POFUT1: variants seen among roughly 807,000 people sequenced by gnomAD.
POFUT1 encodes the protein GDP-fucose protein O-fucosyltransferase 1.
Under a neutral mutation model 42.4 loss-of-function variants are expected in POFUT1, and 16 were observed. That is an observed-to-expected ratio of 0.38 (90% CI 0.26 to 0.57). The LOEUF (loss-of-function observed/expected upper bound fraction) is 0.57, where lower values mean the gene tolerates loss of function less well. POFUT1 is among the 20% of genes least tolerant of loss of function. The pLI is 0.71. For synonymous variants in POFUT1, 206 were observed against 205.4 expected (o/e 1.00, Z -0.03); for missense variants, 470 against 504.6 (o/e 0.93, Z 0.66).
intron 1 of POFUT1, among the ~76,000 whole-genome samples, chr20:32,209,723 G>A (rs761024051): frequency 6.6e-6 from 1 of 152,202 alleles, no homozygotes. Context: ...GGAGCCCAGT[G>A]AATGAGGCAT....
In POFUT1 at chr20:32,207,915, G is replaced by A. The variant is rs1414829774; in HGVS notation, c.-27G>A. 5.1e-6 allele frequency: 8 copies of A among 1,567,924 alleles called. No homozygotes were observed. In the Admixed American group the frequency reaches 1.2e-4, roughly 24 times the overall value. ...CTCCTTCCCTCCCCGACTGTGCGCC[G>A]CGGCTGGCTCGGGTTCCCGGGCCGA... On this transcript the variant is annotated 5_prime_UTR_variant, in exon 1 of 7. Coordinates refer to ENST00000375749, the MANE Select transcript of POFUT1 (RefSeq NM_015352.2).
intron 4 of POFUT1, among the ~76,000 whole-genome samples, chr20:32,227,592 C>T (rs144213290): frequency 2.6e-5 from 4 of 152,216 alleles, no homozygotes; most frequent in African/African-American, 4.8e-5. Flanking sequence ...CACTATTCTG[C>T]GCATACTGGA....
At chr20:32,224,343 G>A (rs2047404232) in intron 4 of POFUT1, among the ~76,000 whole-genome samples, 1 of 137,422 alleles carries the variant, frequency 7.3e-6, no homozygotes, top group African/African-American at 3.6e-5. Context: ...AGTGAACCAA[G>A]ATCACGCCGC....
chr20:32,225,056 A>G (rs2047407870), intron 4 of POFUT1, among the ~76,000 whole-genome samples: 1 of 152,250 alleles, frequency 6.6e-6, no homozygotes, highest in African/African-American at 2.4e-5. Context: ...CTTTGATAAT[A>G]CATTAATCCT....
At position 32,212,308 on chromosome 20, in the gene POFUT1, G is replaced by A. The variant is rs563473107; in HGVS notation, c.246+2116G>A. 3.3e-5 allele frequency among the ~76,000 whole-genome samples: 5 copies of A among 150,894 alleles called. No homozygotes were observed. The East Asian group carries it at 9.7e-4, about 29-fold the overall frequency. ...TTTTTTTTTGAGACGAGGTCTCACTGTTGCCCAGGGTGAAGTGCAGTGGCA... is the reference window on the plus strand; with the variant it reads ...TTTTTTTTTGAGACGAGGTCTCACTATTGCCCAGGGTGAAGTGCAGTGGCA... On this transcript the variant is annotated intron_variant, in intron 2 of 6. Coordinates refer to ENST00000375749, the MANE Select transcript of POFUT1 (RefSeq NM_015352.2).
chr20:32,228,777 C>T (rs2047427948), intron 5 of POFUT1, among the ~76,000 whole-genome samples: 2 of 152,332 alleles, frequency 1.3e-5, no homozygotes, highest in South Asian at 4.1e-4. Context: ...AGCTCAGTGT[C>T]TGGCTGGTAG....
rs763389557 is a variant in POFUT1, at chr20:32,210,052, C to T, written c.125-19C>T. The T allele has an allele frequency of 2.1e-5, 34 of 1,614,112 alleles. No individual in the cohort carries two copies. The highest frequency in any genetic ancestry group is 1.3e-4 in the South Asian group (12 of 91,086). The stretch of plus-strand genomic sequence containing the variant: ...TCCATGCCCCAGGCCTCACCTCACC[C>T]GCAATGTACCATTTCCAGGGCGCTT... On this transcript the variant is annotated intron_variant, in intron 1 of 6. Coordinates refer to ENST00000375749, the MANE Select transcript of POFUT1 (RefSeq NM_015352.2).
At chr20:32,231,228 C>A in intron 6 of POFUT1, 167 bp downstream of exon 6, 1 of 679,230 alleles carries the variant, frequency 1.5e-6, no homozygotes, top group Non-Finnish European at 2.5e-6. Context: ...CAGAGGCCTC[C>A]TCCGTAGTCT....
chr20:32,223,134 G>A, intron 4 of POFUT1: 1 of 985,438 alleles, frequency 1.0e-6, no homozygotes, highest in Non-Finnish European at 1.2e-6. Context: ...AGCAGCACAG[G>A]CATGGTGGTG....
Position 32,228,427 on chromosome 20 carries a change from G to A in POFUT1, c.707G>A (p.Gly236Asp). The stretch of plus-strand genomic sequence containing the variant: ...GCCCACCTTGTCCGGCCCTATGTGG[G>A]CATTCATCTGCGCATTGGCTCTGAC... ...IHAHLVRPYV[G>D]IHLRIGSDWK... is the part of the protein sequence containing the mutation. Residue 236 changes from glycine to aspartate, a missense_variant, in exon 5 of 7, where the codon GGC becomes GAC. Transcript: ENST00000375749. 1 of 1,614,106 alleles carries A rather than the reference G, an allele frequency of 6.2e-7. No homozygotes were observed. Among genetic ancestry groups the A allele is most frequent in the Non-Finnish European group, 8.5e-7 (1 of 1,179,950 alleles).
At chr20:32,213,794 T>C (rs1268196421) in intron 2 of POFUT1, among the ~76,000 whole-genome samples, 1 of 152,054 alleles carries the variant, frequency 6.6e-6, no homozygotes, top group African/African-American at 2.4e-5. Flanking sequence ...ATTACACAGA[T>C]GAATACAACC....
chr20:32,214,269 T>C (rs749475103), intron 2 of POFUT1, among the ~76,000 whole-genome samples: 24 of 152,048 alleles, frequency 1.6e-4, no homozygotes, highest in Non-Finnish European at 3.4e-4. Context: ...GGACTACAGA[T>C]GTGCACCACC....
chr20:32,214,742 A>G (rs1184731729), intron 2 of POFUT1, among the ~76,000 whole-genome samples: 1 of 152,112 alleles, frequency 6.6e-6, no homozygotes, highest in East Asian at 1.9e-4. Context: ...TTTGTTACAG[A>G]TCAGCAGGTG....
intron 2 of POFUT1, among the ~76,000 whole-genome samples, chr20:32,212,196 T>C (rs2047332893): frequency 6.6e-6 from 1 of 152,210 alleles, no homozygotes; most frequent in South Asian, 2.1e-4. Context: ...TCCTGTGGCT[T>C]TTACTCTTCT....
At chr20:32,225,851 T>A (rs966442666) in intron 4 of POFUT1, among the ~76,000 whole-genome samples, 5 of 152,174 alleles carry the variant, frequency 3.3e-5, no homozygotes, top group Non-Finnish European at 7.3e-5. Context: ...AACTGTTATC[T>A]CTATTATGTG....
chr20:32,221,724 A>T (rs1460898495), intron 4 of POFUT1, among the ~76,000 whole-genome samples: 4 of 151,712 alleles, frequency 2.6e-5, no homozygotes, highest in African/African-American at 9.7e-5. Context: ...AAAAAAAAAA[A>T]ATGCCTCTAG....
intron 6 of POFUT1, among the ~76,000 whole-genome samples, chr20:32,232,375 A>C (rs900461153): frequency 3.3e-5 from 5 of 152,146 alleles, no homozygotes; most frequent in African/African-American, 1.2e-4. Flanking sequence ...CAGAGCTGAG[A>C]GATCTCAGGG....
chr20:32,215,533 G>T, intron 3 of POFUT1, 82 bp downstream of exon 3: 1 of 1,189,134 alleles, frequency 8.4e-7, no homozygotes, highest in East Asian at 2.4e-5. Flanking sequence ...CAAAATGTGG[G>T]GAAAAGCACC....
chr20:32,218,040 T>C (rs1483961301), intron 4 of POFUT1: 1 of 152,254 alleles, frequency 6.6e-6, no homozygotes, highest in African/African-American at 2.4e-5. Context: ...TTAGAGAAAT[T>C]GAAGCAGAAA....
Sources: allele counts gnomAD v4.1 joint callset (sites outside exome capture counted in the v4.1 genomes callset), GRCh38; gene constraint gnomAD v4.1.1; transcripts MANE v1.5; gene names NCBI Gene and HGNC (gene_info 2026-07-23, HGNC 2026-07-21).